The following PLEKHA1 variants were observed in gnomAD, a reference collection of about 807,000 sequenced individuals.
The protein encoded by PLEKHA1 is pleckstrin homology domain containing A1, also known as pleckstrin homology domain-containing family A member 1.
In PLEKHA1, 34 loss-of-function variants were observed where a neutral mutation model predicts 52.0. The ratio of observed to expected loss-of-function variants is 0.65; its 90% confidence interval spans 0.50 to 0.87. The LOEUF (loss-of-function observed/expected upper bound fraction) is 0.87. Among genes scored for constraint, PLEKHA1 ranks in the 40% least tolerant of loss-of-function variants. The probability of loss-of-function intolerance (pLI) is 0.00; values close to 1 mark genes in which losing one functional copy is unlikely to be tolerated. For missense variants in PLEKHA1, 497 were observed against 504.2 expected (o/e 0.99, Z 0.14); for synonymous variants, 163 against 170.7 (o/e 0.95, Z 0.35).
intron 1 of PLEKHA1, among the ~76,000 whole-genome samples, chr10:122,376,633 AAGT>A (rs1049875113): frequency 2.0e-5 from 3 of 151,976 alleles, no homozygotes; most frequent in African/African-American, 7.2e-5. Flanking sequence ...GGAGGGGGGA[AAGT>A]AGCAGGTTTG....
chr10:122,417,318 G>T (rs1038759553), intron 7 of PLEKHA1, among the ~76,000 whole-genome samples: 5 of 151,254 alleles, frequency 3.3e-5, no homozygotes, highest in African/African-American at 1.2e-4. Context: ...GGAGGAAGGG[G>T]AAGTGCTTTT....
chr10:122,384,608 C>CAA lies in PLEKHA1; in HGVS notation c.-20-8555_-20-8554dup, dbSNP rs59343401. Among the ~76,000 whole-genome samples the CAA allele has an allele frequency of 5.8e-3, 689 of 118,882 alleles. 6 individuals are homozygous for CAA. The highest frequency in any genetic ancestry group is 0.018 in the African/African-American group (555 of 30,396). 78.0% of individuals were successfully genotyped at this position (118,882 alleles called of 152,430 possible). A position where few individuals can be genotyped will look rare whatever the true frequency, so the allele number is the denominator to read the frequency against. ...TGGGTGACAGAGCGAGACTCTGTCT[C>CAA]AAAAAAAAAAAAAAAAAAATGACTT... On this transcript the variant is annotated intron_variant, in intron 1 of 11. Transcript: ENST00000368990.
At chr10:122,405,840 G>C (rs1204005716) in intron 4 of PLEKHA1, among the ~76,000 whole-genome samples, 1 of 152,074 alleles carries the variant, frequency 6.6e-6, no homozygotes, top group African/African-American at 2.4e-5. Flanking sequence ...GCAGGAAAAG[G>C]CTCCTAACAG....
intron 1 of PLEKHA1, among the ~76,000 whole-genome samples, chr10:122,376,195 T>A (rs1313709439): frequency 6.6e-6 from 1 of 152,190 alleles, no homozygotes; most frequent in African/African-American, 2.4e-5. Context: ...AGATTTATTC[T>A]GATCAAAATA....
chr10:122,423,922 A>T, intron 8 of PLEKHA1: 2 of 388,924 alleles, frequency 5.1e-6, no homozygotes, highest in Non-Finnish European at 8.9e-6. Flanking sequence ...CTGATGGCTA[A>T]TAGCTTTTAA....
intron 1 of PLEKHA1, among the ~76,000 whole-genome samples, chr10:122,390,611 T>G (rs1235406869): frequency 2.0e-5 from 3 of 152,092 alleles, no homozygotes; most frequent in African/African-American, 7.2e-5. Flanking sequence ...GATCCTGTCT[T>G]TACAAAAAAT....
chr10:122,413,741 G>T (rs907522002), intron 6 of PLEKHA1, among the ~76,000 whole-genome samples: 7 of 151,980 alleles, frequency 4.6e-5, no homozygotes, highest in African/African-American at 7.2e-5. Context: ...TTCTTGTTTT[G>T]CTATTGAAAA....
chr10:122,424,193 T>G lies in PLEKHA1; in HGVS notation c.682-6T>G, dbSNP rs1243559310. On this transcript the variant is annotated splice_polypyrimidine_tract_variant and splice_region_variant and intron_variant, in intron 8 of 11. Coordinates refer to ENST00000368990, the MANE Select transcript of PLEKHA1 (RefSeq NM_001001974.4). ...ACTGTTTTTTTTTTTTTTTTTTTTT[T>G]GCCAGGAAAAGGAACCTCTTCGTGT... 17 of 1,536,488 alleles carry G rather than the reference T, an allele frequency of 1.1e-5. No individual in the cohort carries two copies. The highest frequency in any genetic ancestry group is 1.0e-4 in the African/African-American group (7 of 68,578).
chr10:122,391,548 C>A (rs1417540339), intron 1 of PLEKHA1, among the ~76,000 whole-genome samples: 1 of 152,064 alleles, frequency 6.6e-6, no homozygotes, highest in Non-Finnish European at 1.5e-5. Context: ...GGTATTAGCA[C>A]CCTTGTTGAA....
chr10:122,405,244 CTTAAG>C (rs1430193162), intron 4 of PLEKHA1, among the ~76,000 whole-genome samples: 1 of 151,942 alleles, frequency 6.6e-6, no homozygotes, highest in Non-Finnish European at 1.5e-5. Context: ...AAAAATAGAT[CTTAAG>C]TTAGGGAGAT....
chr10:122,379,059 G>A (rs1398069659), intron 1 of PLEKHA1, among the ~76,000 whole-genome samples: 1 of 152,140 alleles, frequency 6.6e-6, no homozygotes, highest in Admixed American at 6.5e-5. Context: ...TCTACTAATA[G>A]GCAACCAAAC....
At chr10:122,434,488 A>G (rs2097430886), downstream of PLEKHA1, 1 of 152,150 alleles carries the variant, frequency 6.6e-6, no homozygotes, top group South Asian at 2.1e-4. Flanking sequence ...CATTTTCTAC[A>G]TTATATAAAA....
At chr10:122,395,738 G>A (rs2134090603) in intron 2 of PLEKHA1, among the ~76,000 whole-genome samples, 1 of 152,160 alleles carries the variant, frequency 6.6e-6, no homozygotes, top group South Asian at 2.1e-4. Context: ...CCTGACCACT[G>A]CTTCCTTTAC....
chr10:122,384,932 G>T (rs1230700655), intron 1 of PLEKHA1, among the ~76,000 whole-genome samples: 2 of 152,084 alleles, frequency 1.3e-5, no homozygotes, highest in African/African-American at 4.8e-5. Context: ...ACTGCAGTCT[G>T]GGCAACAGAG....
At chr10:122,434,662 C>T (rs547262684), downstream of PLEKHA1, 1 of 150,668 alleles carries the variant, frequency 6.6e-6, no homozygotes, top group Non-Finnish European at 1.5e-5. Context: ...TGGTGTGCTG[C>T]ACCCATTAAC....
At chr10:122,384,431 AC>A (rs2096658966) in intron 1 of PLEKHA1, among the ~76,000 whole-genome samples, 1 of 151,340 alleles carries the variant, frequency 6.6e-6, no homozygotes, top group Admixed American at 6.6e-5. Context: ...ACACGGTGAA[AC>A]CCCGTCTCTA....
At chr10:122,409,319 C>T (rs558936613) in intron 5 of PLEKHA1, among the ~76,000 whole-genome samples, 55 of 152,122 alleles carry the variant, frequency 3.6e-4, no homozygotes, top group African/African-American at 1.1e-3. Context: ...ATTAAACATA[C>T]GCACAAAAAG....
At chr10:122,418,046 G>A (rs2133267277) in intron 8 of PLEKHA1, 78 bp downstream of exon 8, 1 of 1,119,338 alleles carries the variant, frequency 8.9e-7, no homozygotes, top group Non-Finnish European at 1.3e-6. Context: ...ATAATTTCTT[G>A]TACTGTTCTG....
At chr10:122,392,841 A>T (rs867316816) in intron 1 of PLEKHA1, among the ~76,000 whole-genome samples, 3 of 152,186 alleles carry the variant, frequency 2.0e-5, no homozygotes, top group Non-Finnish European at 4.4e-5. Context: ...AATCTAAAGG[A>T]TAGATTATCT....
Sources: allele counts gnomAD v4.1 joint callset (sites outside exome capture counted in the v4.1 genomes callset), GRCh38; gene constraint gnomAD v4.1.1; transcripts MANE v1.5; gene names NCBI Gene and HGNC (gene_info 2026-07-23, HGNC 2026-07-21).